Variants in DAB1 observed in about 807,000 individuals in gnomAD.
DAB1 encodes the protein DAB adaptor protein 1, also known as disabled homolog 1.
In DAB1, 15 loss-of-function variants were observed where a neutral mutation model predicts 64.6. The observed-to-expected ratio is 0.23, with a 90% CI of 0.16 to 0.36. DAB1 has a LOEUF of 0.36. DAB1 is among the 10% of genes least tolerant of loss of function. The pLI, the probability that DAB1 is intolerant of heterozygous loss-of-function variation, is 1.00. For missense variants in DAB1, 596 were observed against 706.7 expected, an observed-to-expected ratio of 0.84 and a Z score of 1.78; for synonymous variants, 235 against 251.9, an observed-to-expected ratio of 0.93 and a Z score of 0.64.
intron 4 of DAB1, among the ~76,000 whole-genome samples, chr1:58,186,563 G>A (rs748946998): frequency 1.6e-4 from 24 of 152,122 alleles, no homozygotes; most frequent in Non-Finnish European, 3.2e-4. Context: ...AGAAATTCTA[G>A]GAAAGGGAGT....
At position 58,088,828 on chromosome 1, in the gene DAB1, A is replaced by G. The variant is rs145198885; in HGVS notation, n.387+61683T>C. ...GACAGTCAGACATCAAGGCTACAAC[A>G]CCATGTGATAACACCATGAGAAAAG... On this transcript the variant is annotated intron_variant and non_coding_transcript_variant, in intron 5 of 20. Coordinates refer to the DAB1 transcript ENST00000485760. Among the ~76,000 whole-genome samples, 358 of 152,328 alleles carry G rather than the reference A, an allele frequency of 2.4e-3. 1 individual carries two copies. Among genetic ancestry groups the G allele is most frequent in the African/African-American group, 8.4e-3 (348 of 41,576 alleles).
chr1:57,185,794 C>T (rs1487289695), intron 2 of DAB1, among the ~76,000 whole-genome samples: 3 of 151,996 alleles, frequency 2.0e-5, no homozygotes, highest in African/African-American at 7.2e-5. Context: ...GTAAGTTTTC[C>T]AGTGTCTGAC....
chr1:58,143,516 C>T (rs965046135), intron 5 of DAB1, among the ~76,000 whole-genome samples: 4 of 152,136 alleles, frequency 2.6e-5, no homozygotes, highest in African/African-American at 9.7e-5. Flanking sequence ...TGTGGTTGGA[C>T]AGTTCTGAGA....
chr1:57,451,696 A>T (rs577771552), intron 7 of DAB1, among the ~76,000 whole-genome samples: 41 of 152,330 alleles, frequency 2.7e-4, no homozygotes, highest in African/African-American at 9.6e-4. Context: ...AGTCGCTTAT[A>T]CATTGTTACC....
At chr1:57,930,950 C>T (rs1378377801) in intron 5 of DAB1, among the ~76,000 whole-genome samples, 2 of 152,088 alleles carry the variant, frequency 1.3e-5, no homozygotes, top group East Asian at 3.8e-4. Flanking sequence ...AGTGAGAAGG[C>T]TTCTAGATTC....
intron 2 of DAB1, among the ~76,000 whole-genome samples, chr1:58,522,396 T>C (rs1238191697): frequency 6.6e-6 from 1 of 152,116 alleles, no homozygotes; most frequent in Non-Finnish European, 1.5e-5. Context: ...TCTTAGGATA[T>C]TAGAAATGGA....
At chr1:58,488,410 T>A (rs1645614014) in intron 3 of DAB1, among the ~76,000 whole-genome samples, 1 of 152,178 alleles carries the variant, frequency 6.6e-6, no homozygotes, top group African/African-American at 2.4e-5. Context: ...CTTCTGAGAT[T>A]CTGGTACACC....
At chr1:58,189,421 G>A (rs1359646845) in intron 4 of DAB1, among the ~76,000 whole-genome samples, 1 of 152,198 alleles carries the variant, frequency 6.6e-6, no homozygotes, top group Non-Finnish European at 1.5e-5. Context: ...GAGAATTTAA[G>A]TGGTTTGTGG....
chr1:57,660,594 C>G (rs1646375335), intron 6 of DAB1, among the ~76,000 whole-genome samples: 1 of 152,232 alleles, frequency 6.6e-6, no homozygotes, highest in Non-Finnish European at 1.5e-5. Context: ...GTGACAGATT[C>G]TCCCTTTACA....
At chr1:58,178,711 C>T (rs1439145806) in intron 4 of DAB1, among the ~76,000 whole-genome samples, 5 of 152,086 alleles carry the variant, frequency 3.3e-5, no homozygotes, top group Non-Finnish European at 5.9e-5. Context: ...CACATTTTCT[C>T]CTTTGTTTTC....
At chr1:57,439,041 A>T (rs1194171250) in intron 7 of DAB1, among the ~76,000 whole-genome samples, 4 of 152,206 alleles carry the variant, frequency 2.6e-5, no homozygotes, top group Non-Finnish European at 5.9e-5. Context: ...CCTTAGCCAG[A>T]GTGGTTGATT....
chr1:57,835,311 C>G (rs1652761807), intron 1 of DAB1, among the ~76,000 whole-genome samples: 1 of 152,142 alleles, frequency 6.6e-6, no homozygotes, highest in Non-Finnish European at 1.5e-5. Context: ...TTATAATCAG[C>G]ATCACTGTCA....
chr1:58,028,075 T>A (rs1416048153), intron 5 of DAB1, among the ~76,000 whole-genome samples: 1 of 152,198 alleles, frequency 6.6e-6, no homozygotes, highest in Non-Finnish European at 1.5e-5. Context: ...ATAATTCCCA[T>A]CATAGAACAT....
chr1:57,274,264 T>C (rs1043183055), intron 2 of DAB1, among the ~76,000 whole-genome samples: 2 of 152,166 alleles, frequency 1.3e-5, no homozygotes, highest in Non-Finnish European at 2.9e-5. Flanking sequence ...GCAGAGATAC[T>C]AAATAGCCCG....
intron 2 of DAB1, among the ~76,000 whole-genome samples, chr1:57,234,528 A>G (rs1667946727): frequency 6.6e-6 from 1 of 152,208 alleles, no homozygotes; most frequent in Non-Finnish European, 1.5e-5. Context: ...GGTAACTGCT[A>G]TTATTAATAA....
At chr1:57,873,831 A>G (rs968823822) in intron 1 of DAB1, 5 of 152,198 alleles carry the variant, frequency 3.3e-5, no homozygotes, top group Admixed American at 6.6e-5. Flanking sequence ...GTTATTGTAT[A>G]TAAATACTGT....
At chr1:57,685,672 T>C (rs1277185566) in intron 6 of DAB1, among the ~76,000 whole-genome samples, 5 of 152,168 alleles carry the variant, frequency 3.3e-5, no homozygotes, top group African/African-American at 1.2e-4. Flanking sequence ...AAAGCAAGTC[T>C]CAATGACTCT....
chr1:57,078,644 T>A (rs1652206659), intron 4 of DAB1, among the ~76,000 whole-genome samples: 1 of 152,164 alleles, frequency 6.6e-6, no homozygotes, highest in Non-Finnish European at 1.5e-5. Context: ...TGAGGATGAA[T>A]AAATTAATAT....
chr1:58,479,004 T>C (rs1569855872), intron 3 of DAB1, among the ~76,000 whole-genome samples: 1 of 152,210 alleles, frequency 6.6e-6, no homozygotes, highest in South Asian at 2.1e-4. Flanking sequence ...GTAACATTTC[T>C]TTTACATTTA....
Sources: gnomAD v4.1 joint callset for allele counts (sites outside exome capture counted in the v4.1 genomes callset) on GRCh38, gnomAD v4.1.1 for gene constraint, MANE v1.5 for transcripts, NCBI Gene and HGNC (gene_info 2026-07-23, HGNC 2026-07-21) for gene names.